The following GGA1 variants were observed in gnomAD, a reference collection of about 807,000 sequenced individuals.
The protein encoded by GGA1 is golgi associated, gamma adaptin ear containing, ARF binding protein 1.
Under a neutral mutation model 76.9 loss-of-function variants are expected in GGA1, and 18 were observed. The observed-to-expected ratio is 0.23, with a 90% CI of 0.16 to 0.35. The LOEUF (loss-of-function observed/expected upper bound fraction) is 0.35, where lower values mean the gene tolerates loss of function less well. Ranked by LOEUF, GGA1 falls within the 10% of genes least tolerant of loss-of-function variation. The pLI, the probability that GGA1 is intolerant of heterozygous loss-of-function variation, is 1.00. For synonymous variants in GGA1, 342 were observed against 354.7 expected (o/e 0.96, Z 0.40); for missense variants, 755 against 859.0 (o/e 0.88, Z 1.51).
chr22:37,620,688 C>A, intron 5 of GGA1, 125 bp from the exon 6 acceptor site: 2 of 716,926 alleles, frequency 2.8e-6, no homozygotes, highest in Non-Finnish European at 5.1e-6. Flanking sequence ...GAGTCCAGAG[C>A]CAGCGTGCTG....
intron 6 of GGA1, 51 bp from the exon 7 acceptor site, chr22:37,621,565 G>T: frequency 8.2e-7 from 1 of 1,224,882 alleles, no homozygotes; most frequent in South Asian, 1.3e-5. Flanking sequence ...CCAGTCTTCT[G>T]ACCCCTGGCC....
At chr22:37,631,215 A>G (rs956691810) in intron 14 of GGA1, 116 bp downstream of exon 14, 4 of 768,958 alleles carry the variant, frequency 5.2e-6, no homozygotes, top group East Asian at 2.9e-5. Flanking sequence ...CCACTGGCCA[A>G]CCAGAGGGGA....
chr22:37,630,959 G>A lies in GGA1; in HGVS notation c.1388G>A (p.Ser463Asn), dbSNP rs1401962525. ...CTCCGGGACCTGCAGAATAAGAGCAGCAGCTGCAGCTCCCCCAGCTCCAGC... is the reference window on the plus strand; with the variant it reads ...CTCCGGGACCTGCAGAATAAGAGCAACAGCTGCAGCTCCCCCAGCTCCAGC... ...LTLRDLQNKS[S>N]SCSSPSSSAT... The change falls in exon 14 of 17, where the codon AGC (serine) becomes AAC (asparagine). Residue 463 changes from serine (S) to asparagine (N), a missense_variant. Ser to Asn is a conservative substitution (Grantham distance 46, BLOSUM62 1). Coordinates refer to ENST00000343632, the MANE Select transcript of GGA1 (RefSeq NM_013365.5). The A allele has an allele frequency of 9.3e-6, 15 of 1,613,316 alleles. 1 individual carries two copies. Among genetic ancestry groups the A allele is most frequent in the Non-Finnish European group, 1.3e-5 (15 of 1,179,772 alleles).
At position 37,623,554 on chromosome 22, in the gene GGA1, A is replaced by G; in HGVS notation, c.753A>G (p.Glu251=). 1 of 1,612,674 alleles carries G rather than the reference A, an allele frequency of 6.2e-7. No individual in the cohort carries two copies. Among genetic ancestry groups the G allele is most frequent in the Non-Finnish European group, 8.5e-7 (1 of 1,179,312 alleles). The change falls in exon 9 of 17, where the codon GAA becomes GAG. Residue 251 remains glutamate (E), a splice_region_variant and synonymous_variant. Transcript: ENST00000343632. This position sits in a 1 kb window ranked among gnomAD's most constrained non-coding sequence, Gnocchi z 4.6. ...CCCGCCCATCCTGCTGCCCTCAGGA[A>G]CTGTACCAGCGCTGTGAGCGGATGC... The part of the protein sequence containing the change: ...AAGSSEDLMK[E]LYQRCERMRP...
chr22:37,632,701 G>A lies in GGA1; in HGVS notation c.1910G>A (p.Gly637Asp), dbSNP rs200183314. 6.3e-7 allele frequency: 1 copy of A among 1,587,822 alleles called. No homozygotes were observed. The highest frequency in any genetic ancestry group is 8.6e-7 in the Non-Finnish European group (1 of 1,160,456). Residue 637 changes from glycine (G) to aspartate (D), a missense_variant, in exon 17 of 17, where the codon GGT becomes GAT. Gly to Asp is a moderately conservative substitution (Grantham distance 94). Coordinates refer to ENST00000343632, the MANE Select transcript of GGA1 (RefSeq NM_013365.5). The surrounding 1 kb of genome is among the most constrained non-coding windows in gnomAD (Gnocchi z 5.1). ...VDQFPPPETW[G>D]SL is the part of the protein sequence containing the mutation. Reference sequence around the variant, plus strand: ...CAGTTCCCCCCACCTGAAACCTGGGGTAGCCTCTAGAACAGAGGGGCTGGG... The same window carrying A: ...CAGTTCCCCCCACCTGAAACCTGGGATAGCCTCTAGAACAGAGGGGCTGGG...
chr22:37,622,173 G>T (rs1338481216), intron 7 of GGA1, among the ~76,000 whole-genome samples: 1 of 151,840 alleles, frequency 6.6e-6, no homozygotes, highest in East Asian at 1.9e-4. Flanking sequence ...CAACCTCCCG[G>T]GCTCAAGCAG....
chr22:37,618,921 C>A (rs1012799587), intron 4 of GGA1, among the ~76,000 whole-genome samples: 3 of 152,214 alleles, frequency 2.0e-5, no homozygotes, highest in African/African-American at 7.2e-5. Context: ...TGGTCTCTGG[C>A]AGGTTTCCCT....
intron 7 of GGA1, among the ~76,000 whole-genome samples, chr22:37,622,127 G>A (rs1476579762): frequency 6.6e-6 from 1 of 152,088 alleles, no homozygotes; most frequent in Non-Finnish European, 1.5e-5. Context: ...AGCCCAAGCA[G>A]GAGTACAGTG....
intron 5 of GGA1, 95 bp downstream of exon 5, chr22:37,620,456 G>GTT: frequency 3.0e-6 from 4 of 1,333,472 alleles, no homozygotes; most frequent in Non-Finnish European, 4.3e-6. Flanking sequence ...TTCTGAGCCA[G>GTT]CAAGGTCATG....
rs756104307 is a variant in GGA1, at chr22:37,621,693, G to A, written c.606G>A (p.Gln202=). 22 of 1,553,540 alleles carry A rather than the reference G, an allele frequency of 1.4e-5. No homozygotes were observed. Among genetic ancestry groups the A allele is most frequent in the Non-Finnish European group, 1.7e-5 (19 of 1,147,326 alleles). ...ATAAGCTCATCAAAGAGATGGTGCA[G>A]GAGGTAGCGGCCGAGCCCAGAGCAC... ...AANKLIKEMV[Q]EDQKRMEKIS... The change falls in exon 7 of 17, where the codon CAG becomes CAA. Residue 202 remains glutamine (Q), a synonymous_variant. Transcript: ENST00000343632.
chr22:37,614,034 T>A, intron 1 of GGA1, 156 bp from the exon 2 acceptor site: 1 of 634,508 alleles, frequency 1.6e-6, no homozygotes. Context: ...CACAATCAGG[T>A]CTTGAGGCTG....
intron 1 of GGA1, among the ~76,000 whole-genome samples, chr22:37,609,708 C>T (rs987226965): frequency 2.6e-5 from 4 of 152,178 alleles, no homozygotes; most frequent in African/African-American, 9.7e-5. Context: ...CTGATGATCC[C>T]CTGCTCTCAC....
intron 1 of GGA1, chr22:37,610,042 C>T (rs773744670): frequency 1.3e-5 from 2 of 152,458 alleles, no homozygotes; most frequent in Non-Finnish European, 2.9e-5. Flanking sequence ...TTGTGAACGC[C>T]GGAAGTGTCC....
At chr22:37,618,263 A>G (rs2145918315) in intron 3 of GGA1, 185 bp from the exon 4 acceptor site, 3 of 571,572 alleles carry the variant, frequency 5.2e-6, no homozygotes, top group East Asian at 2.8e-5. Flanking sequence ...GCCTGACCCT[A>G]TCTCCCATGG....
At chr22:37,620,601 C>T (rs1329323936) in intron 5 of GGA1, among the ~76,000 whole-genome samples, 1 of 152,128 alleles carries the variant, frequency 6.6e-6, no homozygotes, top group Non-Finnish European at 1.5e-5. Flanking sequence ...CAGGGAGTGG[C>T]CTCAAAATAT....
Position 37,615,820 on chromosome 22 carries a change from G to C in GGA1, c.129-1102G>C, listed in dbSNP as rs900330352. ...CTGCCCCCAGACTCGACTGTCCAGT[G>C]GGGGGTTGGGAGTGGACATTCTTTT... On this transcript the variant is annotated intron_variant, in intron 2 of 16. Transcript: ENST00000343632. 4.0e-5 allele frequency among the ~76,000 whole-genome samples: 6 copies of C among 151,744 alleles called. No homozygotes were observed. In the East Asian group the frequency reaches 5.8e-4, roughly 15 times the overall value.
At chr22:37,629,114 G>A (rs9622661) in intron 11 of GGA1, among the ~76,000 whole-genome samples, 6,218 of 152,294 alleles carry the variant, frequency 0.041, 416 homozygotes, top group African/African-American at 0.14. Context: ...GCCTGGATGC[G>A]TGAGGAAAGG....
At chr22:37,628,392 A>T (rs997375104) in intron 11 of GGA1, among the ~76,000 whole-genome samples, 1 of 151,926 alleles carries the variant, frequency 6.6e-6, no homozygotes, top group Non-Finnish European at 1.5e-5. Flanking sequence ...TGAGGCTGTC[A>T]CCCCCCAATA....
chr22:37,626,076 A>G, intron 11 of GGA1, 127 bp downstream of exon 11: 1 of 640,920 alleles, frequency 1.6e-6, no homozygotes, highest in Middle Eastern at 4.8e-4. Flanking sequence ...GTGGATGAGC[A>G]TTAGGCCCAC....
Sources: allele counts gnomAD v4.1 joint callset (sites outside exome capture counted in the v4.1 genomes callset), GRCh38; gene constraint gnomAD v4.1.1; non-coding constraint Gnocchi (gnomAD v3.1); transcripts MANE v1.5; gene names NCBI Gene and HGNC (gene_info 2026-07-23, HGNC 2026-07-21).